P2RY8: variants seen among roughly 807,000 people sequenced by gnomAD.
The protein encoded by P2RY8 is S-geranylgeranyl-glutathione receptor P2RY8.
In P2RY8, 6 loss-of-function variants were observed where a neutral mutation model predicts 10.0. The observed-to-expected ratio is 0.60, with a 90% CI of 0.33 to 1.19. P2RY8 has a LOEUF of 1.19. Among genes scored for constraint, P2RY8 ranks in the 50% most tolerant of loss-of-function variants. P2RY8 has a pLI of 0.04. For missense variants in P2RY8, 456 were observed against 542.0 expected (o/e 0.84, Z 1.58); for synonymous variants, 276 against 252.5 (o/e 1.09, Z -0.88).
intron 1 of P2RY8, among the ~76,000 whole-genome samples, chrX:1,469,772 G>T (rs1434605200): frequency 1.3e-5 from 2 of 151,874 alleles, no homozygotes; most frequent in African/African-American, 4.8e-5. Flanking sequence ...TGGTGGCATG[G>T]TGGCGAGTCC....
chrX:1,518,794 G>C (rs2092370107), intron 1 of P2RY8, among the ~76,000 whole-genome samples: 1 of 151,534 alleles, frequency 6.6e-6, no homozygotes, highest in African/African-American at 2.4e-5. Flanking sequence ...ATTCTTTCTG[G>C]TTCCCCAAAA....
intron 1 of P2RY8, among the ~76,000 whole-genome samples, chrX:1,477,796 C>A (rs2091892204): frequency 6.6e-6 from 1 of 152,144 alleles, no homozygotes; most frequent in African/African-American, 2.4e-5. Context: ...CAGCCTTCAA[C>A]AAACACACAG....
chrX:1,535,722 CACACAG>C (rs1256763809), intron 1 of P2RY8, among the ~76,000 whole-genome samples: 5,609 of 61,170 alleles, frequency 0.092, 250 homozygotes, highest in African/African-American at 0.18. Flanking sequence ...CACAGACACA[CACACAG>C]ACACACACAC....
intron 1 of P2RY8, among the ~76,000 whole-genome samples, chrX:1,489,268 A>T (rs2092018043): frequency 6.6e-6 from 1 of 152,108 alleles, no homozygotes; most frequent in Non-Finnish European, 1.5e-5. Context: ...TGAATGACTG[A>T]CACCTAAGGA....
At chrX:1,513,939 G>T (rs2092319245) in intron 1 of P2RY8, among the ~76,000 whole-genome samples, 1 of 152,192 alleles carries the variant, frequency 6.6e-6, no homozygotes, top group Non-Finnish European at 1.5e-5. Flanking sequence ...AATCCAGGAT[G>T]ATCTCATCCC....
At chrX:1,533,171 C>G (rs2092493197) in intron 1 of P2RY8, among the ~76,000 whole-genome samples, 1 of 150,886 alleles carries the variant, frequency 6.6e-6, no homozygotes, top group Admixed American at 6.6e-5. Context: ...TGAAATCTCA[C>G]ACATCACCAC....
At chrX:1,530,699 AT>A (rs1440542221) in intron 1 of P2RY8, among the ~76,000 whole-genome samples, 1 of 150,762 alleles carries the variant, frequency 6.6e-6, no homozygotes, top group African/African-American at 2.4e-5. Context: ...ATGCATCTAT[AT>A]ATCTATCTAT....
At chrX:1,476,441 G>A in intron 1 of P2RY8, among the ~76,000 whole-genome samples, 1 of 151,862 alleles carries the variant, frequency 6.6e-6, no homozygotes, top group Non-Finnish European at 1.5e-5. Context: ...AAAAAAATTA[G>A]CCGGGCGTGG....
rs1703518507 is a variant in P2RY8, at chrX:1,462,953, T to C, written c.*2526A>G. The C allele has an allele frequency of 4.4e-6, 1 of 225,220 alleles. No homozygotes were observed. The highest frequency in any genetic ancestry group is 6.3e-5 in the East Asian group (1 of 15,926). 14.0% of individuals were successfully genotyped at this position (225,220 alleles called of 1,614,324 possible). A position where few individuals can be genotyped will look rare whatever the true frequency, so the allele number is the denominator to read the frequency against. The stretch of plus-strand genomic sequence containing the variant: ...GTGTCGGCTGCTCTCCATAGCCAAG[T>C]GGCTGCAAAAATCATCATACTGACA... On this transcript the variant is annotated 3_prime_UTR_variant, in exon 2 of 2. Transcript: ENST00000381297.
chrX:1,493,907 G>C (rs1439418532), intron 1 of P2RY8, among the ~76,000 whole-genome samples: 1 of 152,306 alleles, frequency 6.6e-6, no homozygotes, highest in Admixed American at 6.5e-5. Context: ...CCTGCCTGGA[G>C]GCTGTGTGTC....
At chrX:1,493,013 C>T (rs1464381121) in intron 1 of P2RY8, among the ~76,000 whole-genome samples, 7 of 151,606 alleles carry the variant, frequency 4.6e-5, no homozygotes, top group Admixed American at 3.3e-4. Context: ...CACGAAGTTT[C>T]GAAAATCCCA....
At chrX:1,516,158 C>T (rs1468751548) in intron 1 of P2RY8, among the ~76,000 whole-genome samples, 3 of 151,578 alleles carry the variant, frequency 2.0e-5, no homozygotes, top group East Asian at 3.9e-4. Context: ...GGTTGCACCA[C>T]TGCACTCCAG....
chrX:1,501,942 G>A (rs779100973), intron 1 of P2RY8, among the ~76,000 whole-genome samples: 7 of 150,580 alleles, frequency 4.6e-5, no homozygotes, highest in African/African-American at 1.5e-4. Context: ...ACGAAATCTC[G>A]CTCTGTCACC....
At chrX:1,487,951 C>A (rs1207722110) in intron 1 of P2RY8, among the ~76,000 whole-genome samples, 6 of 151,928 alleles carry the variant, frequency 3.9e-5, no homozygotes, top group Non-Finnish European at 8.8e-5. Context: ...TCTACTAAAA[C>A]TATAAAAAAT....
At chrX:1,526,605 T>C (rs1424632994) in intron 1 of P2RY8, among the ~76,000 whole-genome samples, 1 of 151,972 alleles carries the variant, frequency 6.6e-6, no homozygotes, top group Admixed American at 6.6e-5. Context: ...CATTCACCCA[T>C]TTATTCAGTA....
At chrX:1,514,014 G>C (rs1183944842) in intron 1 of P2RY8, among the ~76,000 whole-genome samples, 10 of 152,206 alleles carry the variant, frequency 6.6e-5, no homozygotes, top group Admixed American at 2.0e-4. Context: ...AGGTTCCAGG[G>C]GGTTAGGGCA....
At chrX:1,499,855 GTTTTGT>G (rs1168939158) in intron 1 of P2RY8, among the ~76,000 whole-genome samples, 1 of 151,666 alleles carries the variant, frequency 6.6e-6, no homozygotes, top group African/African-American at 2.4e-5. Context: ...GTTTTGTTTT[GTTTTGT>G]TTTGTTTTTC....
At chrX:1,502,716 C>A (rs1477694767) in intron 1 of P2RY8, among the ~76,000 whole-genome samples, 1 of 152,176 alleles carries the variant, frequency 6.6e-6, no homozygotes, top group Non-Finnish European at 1.5e-5. Context: ...AGAAAATAAT[C>A]CTGCATTGTC....
intron 1 of P2RY8, among the ~76,000 whole-genome samples, chrX:1,497,325 C>CTT (rs1378912732): frequency 7.1e-6 from 1 of 141,030 alleles, no homozygotes. Context: ...AGGGTTTTCT[C>CTT]TTTTTTTTTT....
Sources: gnomAD v4.1 joint callset for allele counts (sites outside exome capture counted in the v4.1 genomes callset) on GRCh38, gnomAD v4.1.1 for gene constraint, MANE v1.5 for transcripts, NCBI Gene and HGNC (gene_info 2026-07-23, HGNC 2026-07-21) for gene names.